The following VWC2L variants were observed in gnomAD, a reference collection of about 807,000 sequenced individuals.
VWC2L encodes the protein von Willebrand factor C domain containing 2 like.
Under a neutral mutation model 21.6 loss-of-function variants are expected in VWC2L, and 10 were observed. That is an observed-to-expected ratio of 0.46 (90% CI 0.29 to 0.78). The LOEUF (loss-of-function observed/expected upper bound fraction) is 0.78. Ranked by LOEUF, VWC2L falls within the 30% of genes least tolerant of loss-of-function variation. The pLI is 0.10. For missense variants in VWC2L, 209 were observed against 277.1 expected, an observed-to-expected ratio of 0.75 and a Z score of 1.74; for synonymous variants, 96 against 94.3, an observed-to-expected ratio of 1.02 and a Z score of -0.10.
At chr2:214,538,293 A>G (rs189092876) in intron 3 of VWC2L, among the ~76,000 whole-genome samples, 1 of 152,208 alleles carries the variant, frequency 6.6e-6, no homozygotes, top group African/African-American at 2.4e-5. Flanking sequence ...AGACATGTAC[A>G]TAGACAGTCT....
intron 3 of VWC2L, among the ~76,000 whole-genome samples, chr2:214,505,528 G>A (rs1213066790): frequency 6.6e-6 from 1 of 151,566 alleles, no homozygotes; most frequent in Non-Finnish European, 1.5e-5. Context: ...GTATAATCAG[G>A]TCCTTGCACA....
At chr2:214,449,766 A>G (rs1461993455) in intron 3 of VWC2L, among the ~76,000 whole-genome samples, 1 of 152,194 alleles carries the variant, frequency 6.6e-6, no homozygotes, top group Non-Finnish European at 1.5e-5. Context: ...CTGCATACAT[A>G]CTTATTTTGC....
intron 3 of VWC2L, among the ~76,000 whole-genome samples, chr2:214,459,902 C>T (rs1264203649): frequency 6.0e-4 from 51 of 85,152 alleles, no homozygotes; most frequent in African/African-American, 2.2e-3. Context: ...TTTCCTTTGA[C>T]TTTTTTTTTT....
intron 3 of VWC2L, among the ~76,000 whole-genome samples, chr2:214,501,519 C>T (rs1286259504): frequency 1.3e-5 from 2 of 151,918 alleles, no homozygotes; most frequent in African/African-American, 2.4e-5. Context: ...GTCAGGAGCT[C>T]GAGACCAGCC....
chr2:214,541,675 G>A (rs549535220), intron 3 of VWC2L, among the ~76,000 whole-genome samples: 35 of 152,202 alleles, frequency 2.3e-4, no homozygotes, highest in African/African-American at 7.9e-4. Context: ...CAACCCCAAC[G>A]AACCATGGTT....
At position 214,516,868 on chromosome 2, in the gene VWC2L, C is replaced by T. The variant is rs1037206318; in HGVS notation, c.521-58804C>T. On this transcript the variant is annotated intron_variant, in intron 3 of 3. Transcript: ENST00000312504. ...TTCTCTAAGCCTCACTTTCCTCATA[C>T]GTAAAATGAAAAAGAAAAATAATAT... 3.3e-5 allele frequency among the ~76,000 whole-genome samples: 5 copies of T among 152,036 alleles called. No homozygotes were observed. The East Asian group carries it at 5.8e-4, about 18-fold the overall frequency.
At chr2:214,562,387 C>G (rs1471998635) in intron 3 of VWC2L, among the ~76,000 whole-genome samples, 1 of 152,212 alleles carries the variant, frequency 6.6e-6, no homozygotes, top group East Asian at 1.9e-4. Context: ...TTTATCCAAT[C>G]TATCATTGAT....
chr2:214,420,249 C>G (rs966743293), intron 2 of VWC2L, among the ~76,000 whole-genome samples: 2 of 152,016 alleles, frequency 1.3e-5, no homozygotes, highest in African/African-American at 4.8e-5. Flanking sequence ...AAAATTAAAT[C>G]TGTAAAAACG....
At chr2:214,544,665 G>T (rs1033287687) in intron 3 of VWC2L, among the ~76,000 whole-genome samples, 1 of 152,092 alleles carries the variant, frequency 6.6e-6, no homozygotes, top group East Asian at 1.9e-4. Flanking sequence ...CCTTGGGAAA[G>T]TCTCTTCCCC....
rs1690269382 is a variant in VWC2L, at chr2:214,578,649, C to G, written c.*2829C>G. On this transcript the variant is annotated 3_prime_UTR_variant, in exon 4 of 4. Transcript: ENST00000312504. The stretch of plus-strand genomic sequence containing the variant: ...AGACTCTGAACAACAGAGCTCTGGT[C>G]TCATCTGTTGTTTGTTTCTTGTGAA... The G allele has an allele frequency of 1.3e-5, 2 of 152,126 alleles. No individual in the cohort carries two copies. Among genetic ancestry groups the G allele is most frequent in the South Asian group, 4.1e-4 (2 of 4,824 alleles). 9.4% of individuals were successfully genotyped at this position (152,126 alleles called of 1,614,324 possible). A position where few individuals can be genotyped will look rare whatever the true frequency, so the allele number is the denominator to read the frequency against.
At chr2:214,428,415 G>A (rs567639351) in intron 2 of VWC2L, among the ~76,000 whole-genome samples, 3 of 152,226 alleles carry the variant, frequency 2.0e-5, no homozygotes, top group Admixed American at 6.5e-5. Context: ...CTGGGTGATA[G>A]CACTAACAAT....
In VWC2L at chr2:214,436,611, T is replaced by C. The variant is rs1702682855; in HGVS notation, c.391-18T>C. On this transcript the variant is annotated intron_variant, in intron 2 of 3. Transcript: ENST00000312504. The stretch of plus-strand genomic sequence containing the variant: ...TAAGTTATAGGAGAAAAGGGGCTAA[T>C]TTTAGATTTGTTCCTAGCCCTCTCC... The C allele has an allele frequency of 6.2e-7, 1 of 1,611,892 alleles. No homozygotes were observed. Among genetic ancestry groups the C allele is most frequent in the African/African-American group, 1.3e-5 (1 of 74,848 alleles).
chr2:214,518,619 T>A (rs62199885), intron 3 of VWC2L, among the ~76,000 whole-genome samples: 3 of 151,972 alleles, frequency 2.0e-5, no homozygotes, highest in Non-Finnish European at 4.4e-5. Context: ...TCCCCCTTCC[T>A]TGTCCTTCAA....
intron 3 of VWC2L, among the ~76,000 whole-genome samples, chr2:214,548,044 A>G (rs554883824): frequency 6.6e-6 from 1 of 152,296 alleles, no homozygotes; most frequent in Admixed American, 6.5e-5. Context: ...GCTAATGTGA[A>G]TTCTGCCTTC....
At chr2:214,552,995 C>A (rs953351722) in intron 3 of VWC2L, among the ~76,000 whole-genome samples, 1 of 152,204 alleles carries the variant, frequency 6.6e-6, no homozygotes, top group Admixed American at 6.5e-5. Context: ...TGGGCACCAT[C>A]TTATTTCCTT....
At chr2:214,451,313 G>GGGT (rs368871942) in intron 3 of VWC2L, among the ~76,000 whole-genome samples, 1 of 147,270 alleles carries the variant, frequency 6.8e-6, no homozygotes, top group Non-Finnish European at 1.5e-5. Context: ...CGGTGTGGGG[G>GGGT]GGGGGGGCAG....
chr2:214,445,152 A>G (rs555362793), intron 3 of VWC2L, among the ~76,000 whole-genome samples: 1 of 152,120 alleles, frequency 6.6e-6, no homozygotes, highest in African/African-American at 2.4e-5. Context: ...ATTCTCACAC[A>G]CTACTGGTAA....
At chr2:214,553,469 A>G (rs1047357761) in intron 3 of VWC2L, among the ~76,000 whole-genome samples, 1 of 152,242 alleles carries the variant, frequency 6.6e-6, no homozygotes, top group Admixed American at 6.5e-5. Flanking sequence ...AGATTCAAAG[A>G]TTTTCTGATT....
intron 3 of VWC2L, among the ~76,000 whole-genome samples, chr2:214,558,783 A>T (rs1689916217): frequency 6.6e-6 from 1 of 151,688 alleles, no homozygotes; most frequent in African/African-American, 2.4e-5. Context: ...ATTGCACCTT[A>T]GATGCAATAC....
Sources: allele counts gnomAD v4.1 joint callset (sites outside exome capture counted in the v4.1 genomes callset), GRCh38; gene constraint gnomAD v4.1.1; transcripts MANE v1.5; gene names NCBI Gene and HGNC (gene_info 2026-07-23, HGNC 2026-07-21).